Variants in ANO3 observed in about 807,000 individuals in gnomAD.
The protein encoded by ANO3 is anoctamin-3.
In ANO3, 99 loss-of-function variants were observed where a neutral mutation model predicts 144.8. That is an observed-to-expected ratio of 0.68 (90% CI 0.58 to 0.81). The LOEUF is 0.81. ANO3 is among the 30% of genes least tolerant of loss of function. ANO3 has a pLI of 0.00. For missense variants in ANO3, 905 were observed against 1,202.2 expected, an observed-to-expected ratio of 0.75 and a Z score of 3.66; for synonymous variants, 414 against 392.6, an observed-to-expected ratio of 1.05 and a Z score of -0.64.
intron 1 of ANO3, among the ~76,000 whole-genome samples, chr11:26,205,625 C>T (rs1851781349): frequency 6.6e-6 from 1 of 152,152 alleles, no homozygotes; most frequent in South Asian, 2.1e-4. Flanking sequence ...CCAGAAGGTT[C>T]CTCCGAAAAC....
chr11:26,559,700 CTGTT>C lies in ANO3; in HGVS notation c.1387-13_1387-10del, dbSNP rs762455077. 4 of 1,591,664 alleles carry C rather than the reference CTGTT, an allele frequency of 2.5e-6. No homozygotes were observed. The South Asian group carries it at 4.4e-5, about 18-fold the overall frequency. On this transcript the variant is annotated splice_polypyrimidine_tract_variant and intron_variant, in intron 13 of 26. Transcript: ENST00000256737. ...TAATCAATTTGCATGACTAATATTT[CTGTT>C]TGTTTTCTACTCAGGTGACATATTT...
At position 26,345,405 on chromosome 11, in the gene ANO3, T is replaced by A. The variant is rs1313035099; in HGVS notation, c.46+13084T>A. Among the ~76,000 whole-genome samples, 3 of 152,072 alleles carry A rather than the reference T, an allele frequency of 2.0e-5. No homozygotes were observed. The East Asian group carries it at 5.8e-4, about 29-fold the overall frequency. On this transcript the variant is annotated intron_variant, in intron 1 of 26. Coordinates refer to ENST00000256737, the MANE Select transcript of ANO3 (RefSeq NM_031418.4). ...CACCATCTCTACTAAAAATAAAAAA[T>A]TTTAGGGTATCGTGGCATGTGCCTG...
chr11:26,353,601 T>A (rs926287976), intron 1 of ANO3, among the ~76,000 whole-genome samples: 10 of 152,184 alleles, frequency 6.6e-5, no homozygotes, highest in African/African-American at 2.2e-4. Flanking sequence ...GGATGGAATC[T>A]CGCTGTCGCC....
chr11:26,604,340 T>C (rs1278074582), intron 17 of ANO3, among the ~76,000 whole-genome samples: 1 of 152,180 alleles, frequency 6.6e-6, no homozygotes, highest in African/African-American at 2.4e-5. Context: ...TGAATTCAGG[T>C]AGTGTAATGC....
chr11:26,394,571 T>C (rs1394004441), intron 1 of ANO3, among the ~76,000 whole-genome samples: 2 of 15,624 alleles, frequency 1.3e-4, no homozygotes, highest in Non-Finnish European at 5.4e-4. Context: ...TTTCATTTTC[T>C]TTTTTTTTTT....
intron 1 of ANO3, among the ~76,000 whole-genome samples, chr11:26,333,398 C>T (rs188039293): frequency 6.6e-6 from 1 of 151,778 alleles, no homozygotes; most frequent in Non-Finnish European, 1.5e-5. Context: ...TATCCTGCCT[C>T]AGCCTCCTGA....
At chr11:26,596,151 G>A (rs1247770777) in intron 14 of ANO3, among the ~76,000 whole-genome samples, 1 of 151,546 alleles carries the variant, frequency 6.6e-6, no homozygotes, top group African/African-American at 2.4e-5. Context: ...AGGGCACACT[G>A]TTTTTCCTTT....
chr11:26,417,351 AT>A (rs1245427294), intron 1 of ANO3, among the ~76,000 whole-genome samples: 7 of 152,142 alleles, frequency 4.6e-5, no homozygotes, highest in Non-Finnish European at 1.0e-4. Flanking sequence ...CTACTTAGTA[AT>A]AAAAACGAAC....
intron 1 of ANO3, among the ~76,000 whole-genome samples, chr11:26,248,366 A>C (rs1455476266): frequency 6.6e-6 from 1 of 152,028 alleles, no homozygotes; most frequent in Non-Finnish European, 1.5e-5. Flanking sequence ...AAAAGAAAGA[A>C]AGAAAAAGGA....
intron 1 of ANO3, among the ~76,000 whole-genome samples, chr11:26,347,504 T>C (rs1419724043): frequency 1.3e-5 from 2 of 152,210 alleles, no homozygotes; most frequent in South Asian, 4.1e-4. Context: ...CACATGGTAA[T>C]CTCAGGAAGG....
intron 1 of ANO3, among the ~76,000 whole-genome samples, chr11:26,371,861 G>T (rs1028116241): frequency 6.6e-6 from 1 of 152,280 alleles, no homozygotes; most frequent in Middle Eastern, 3.4e-3. Flanking sequence ...AGGAACTAAT[G>T]TGTTATTTAT....
At chr11:26,202,910 G>C (rs59621361) in intron 1 of ANO3, among the ~76,000 whole-genome samples, 2 of 152,014 alleles carry the variant, frequency 1.3e-5, no homozygotes, top group African/African-American at 4.8e-5. Context: ...TTTACCAAGC[G>C]TAACACCTGG....
At chr11:26,456,483 A>G (rs1039744939) in intron 3 of ANO3, among the ~76,000 whole-genome samples, 1 of 150,958 alleles carries the variant, frequency 6.6e-6, no homozygotes, top group Non-Finnish European at 1.5e-5. Context: ...AATTCTCATC[A>G]TCACTGGCCA....
In ANO3 at chr11:26,547,474, A is replaced by T; in HGVS notation, c.1213A>T (p.Met405Leu). 6.2e-7 allele frequency: 1 copy of T among 1,612,012 alleles called. No homozygotes were observed. Among genetic ancestry groups the T allele is most frequent in the East Asian group, 2.2e-5 (1 of 44,794 alleles). Residue 405 changes from methionine (M) to leucine (L), a missense_variant, in exon 12 of 27, where the codon ATG becomes TTG. Transcript: ENST00000256737. ...YFAWLGWYTG[M>L]LIPAAIVGLC... ...TGCTTGGCTGGGATGGTATACTGGA[A>T]TGTTGATTCCTGCAGCAATTGTTGG...
At chr11:26,644,758 T>C (rs72881740) in intron 23 of ANO3, among the ~76,000 whole-genome samples, 3,700 of 151,944 alleles carry the variant, frequency 0.024, 55 homozygotes, top group South Asian at 0.04. Flanking sequence ...CTTTGGTCAT[T>C]TGGTGGCCAT....
At position 26,325,934 on chromosome 11, in the gene ANO3, C is replaced by T. The variant is rs535569388; in HGVS notation, c.-3+16215C>T. Among the ~76,000 whole-genome samples the T allele has an allele frequency of 1.5e-4, 23 of 152,276 alleles. 1 individual carries two copies. The South Asian group carries it at 4.6e-3, about 30-fold the overall frequency. ...AGAGACCTAGATCCAAGGAGGCAAA[C>T]TTATTTTCCCACAGTTAGACAGCAT... On this transcript the variant is annotated intron_variant, in intron 1 of 26. Transcript: ENST00000525139.
chr11:26,590,601 C>T (rs77848420), intron 14 of ANO3, among the ~76,000 whole-genome samples: 23,622 of 152,178 alleles, frequency 0.16, 2,108 homozygotes, highest in East Asian at 0.33. Flanking sequence ...AGTGCTATAG[C>T]TCTATTAGAA....
At chr11:26,246,014 T>C (rs1215523681) in intron 1 of ANO3, among the ~76,000 whole-genome samples, 2 of 152,190 alleles carry the variant, frequency 1.3e-5, no homozygotes, top group East Asian at 1.9e-4. Context: ...TCCTCTTTGA[T>C]GAGTGCAGAC....
At chr11:26,309,731 G>A (rs1854464504) in intron 1 of ANO3, 9 of 984,098 alleles carry the variant, frequency 9.1e-6, no homozygotes, top group Non-Finnish European at 9.7e-6. Context: ...TGAGTCTTGG[G>A]GATGGTGTTT....
Sources: allele counts gnomAD v4.1 joint callset (sites outside exome capture counted in the v4.1 genomes callset), GRCh38; gene constraint gnomAD v4.1.1; transcripts MANE v1.5; gene names NCBI Gene and HGNC (gene_info 2026-07-23, HGNC 2026-07-21).